CIAO3: variants seen among roughly 807,000 people sequenced by gnomAD.
CIAO3 encodes cytosolic iron-sulfur assembly component 3.
A neutral mutation model predicts 51.5 loss-of-function variants in CIAO3; 45 were observed. The ratio of observed to expected loss-of-function variants is 0.87; its 90% CI spans 0.69 to 1.12. CIAO3 has a LOEUF of 1.12. Among genes scored for constraint, CIAO3 ranks in the 50% most tolerant of loss-of-function variants. The pLI is 0.00. For synonymous variants in CIAO3, 314 were observed against 269.3 expected, an observed-to-expected ratio of 1.17 and a Z score of -1.63; for missense variants, 668 against 632.5, an observed-to-expected ratio of 1.06 and a Z score of -0.60.
At chr16:731,148 GGA>G in intron 9 of CIAO3, 148 bp from the exon 10 acceptor site, 3 of 1,024,760 alleles carry the variant, frequency 2.9e-6, no homozygotes, top group African/African-American at 1.6e-5. Flanking sequence ...GGACAAGAAC[GGA>G]GAGAGAGGGT....
chr16:731,559 A>G lies in CIAO3; in HGVS notation c.1034+6T>C. ...TCTGCCCAGAGATCTGGCCCATCCCACTGACCTCAGGGGTTTGTAGGTAAC... is the reference window on the plus strand; with the variant it reads ...TCTGCCCAGAGATCTGGCCCATCCCGCTGACCTCAGGGGTTTGTAGGTAAC... On this transcript the variant is annotated splice_donor_region_variant and intron_variant, in intron 9 of 10. Transcript: ENST00000251588. 6.4e-7 allele frequency: 1 copy of G among 1,561,468 alleles called. No homozygotes were observed. The highest frequency in any genetic ancestry group is 8.7e-7 in the Non-Finnish European group (1 of 1,153,412).
rs2041254727 is a variant in CIAO3 at position 730,055 on chromosome 16, C to T, written c.*362G>A. The T allele has an allele frequency of 2.5e-6, 1 of 400,954 alleles. No homozygotes were observed. The highest frequency in any genetic ancestry group is 2.0e-5 in the African/African-American group (1 of 48,844). 24.8% of individuals were successfully genotyped at this position (400,954 alleles called of 1,614,324 possible). A position where few individuals can be genotyped will look rare whatever the true frequency, so the allele number is the denominator to read the frequency against. ...GTCAGGGGTGAGAACCCGTCTTGCT[C>T]TGCCTCAGGCAACCCCGGGACAGGC... On this transcript the variant is annotated 3_prime_UTR_variant, in exon 11 of 11. Coordinates refer to ENST00000251588, the MANE Select transcript of CIAO3 (RefSeq NM_022493.3).
At chr16:731,098 A>G in intron 9 of CIAO3, 98 bp from the exon 10 acceptor site, 1 of 1,481,136 alleles carries the variant, frequency 6.8e-7, no homozygotes, top group Non-Finnish European at 9.2e-7. Context: ...ATGACCGGGT[A>G]CCTCCCAGGG....
rs768755961 is a variant in CIAO3, at chr16:736,283, G to C, written c.422C>G (p.Ser141Ter). Residue 141 changes from serine to a stop codon, truncating the protein, a stop_gained, in exon 4 of 11, where the codon TCA (serine) becomes TGA (stop). Coordinates refer to ENST00000251588, the MANE Select transcript of CIAO3 (RefSeq NM_022493.3). LOFTEE classifies it high-confidence loss of function. Reference protein sequence around the residue: ...NPTDTARKLTSFFKKIGVHFV... With the variant: ...NPTDTARKLT ...AAGCCTACCTATTTTTTTAAAGAATGAGGTTAATTTCCTGGCAGTATCTGT... is the reference window on the plus strand; with the variant it reads ...AAGCCTACCTATTTTTTTAAAGAATCAGGTTAATTTCCTGGCAGTATCTGT... 2 of 1,612,746 alleles carry C rather than the reference G, an allele frequency of 1.2e-6. No homozygotes were observed. Among genetic ancestry groups the C allele is most frequent in the East Asian group, 2.2e-5 (1 of 44,884 alleles).
Position 737,509 on chromosome 16 carries a change from T to G in CIAO3, c.163-180A>C. On this transcript the variant is annotated intron_variant, in intron 2 of 10. Transcript: ENST00000251588. The surrounding 1 kb of genome is among the most constrained non-coding windows in gnomAD (Gnocchi z 5.3). ...AAATGCACACGCACGCTCTACAGTT[T>G]CATAATGCCGTCAAGTCTGCTTCTT... The G allele has an allele frequency of 6.6e-7, 1 of 1,522,916 alleles. No individual in the cohort carries two copies. Among genetic ancestry groups the G allele is most frequent in the Non-Finnish European group, 8.8e-7 (1 of 1,138,966 alleles). The allele number at this position is 1,522,916 out of a possible 1,614,324, so 94.3% of individuals were successfully genotyped here. A position where few individuals can be genotyped will look rare whatever the true frequency, so the allele number is the denominator to read the frequency against.
Position 737,243 on chromosome 16 carries a change from G to A in CIAO3, c.249C>T (p.Thr83=), listed in dbSNP as rs149663038. ...ACSGCITSAE[T]VLITQQSHEE... ...CGTGGCTCTGCTGGGTGATAAGCAC[G>A]GTCTCTGCGGAGGTGATGCAGCCGC... The change falls in exon 3 of 11, where the codon ACC becomes ACT. Residue 83 remains threonine (T), a synonymous_variant. Coordinates refer to ENST00000251588, the MANE Select transcript of CIAO3 (RefSeq NM_022493.3). This position sits in a 1 kb window ranked among gnomAD's most constrained non-coding sequence, Gnocchi z 5.3. 4,831 of 1,613,652 alleles carry A rather than the reference G, an allele frequency of 3.0e-3. 17 individuals carry two copies. Among genetic ancestry groups the A allele is most frequent in the East Asian group, 0.018 (795 of 44,878 alleles).
chr16:730,656 C>T lies in CIAO3; in HGVS notation c.1193-1G>A, dbSNP rs754183985. 1.2e-6 allele frequency: 2 copies of T among 1,607,996 alleles called. No individual in the cohort carries two copies. The highest frequency in any genetic ancestry group is 1.7e-6 in the Non-Finnish European group (2 of 1,179,440). ...AGCTGGCCCCCGCCGTTCAGGCAGC[C>T]TATGGGAGAGCAGACGGGACAGGGG... On this transcript the variant is annotated splice_acceptor_variant, in intron 10 of 10. Transcript: ENST00000251588. LOFTEE classifies it high-confidence loss of function.
rs142206450 is a variant in CIAO3, at chr16:739,385, C to T, written c.162+258G>A. The T allele has an allele frequency of 4.6e-3, 2,516 of 543,086 alleles. 36 individuals are homozygous for T. Among genetic ancestry groups the T allele is most frequent in the South Asian group, 0.022 (1,082 of 48,306 alleles). 33.6% of individuals were successfully genotyped at this position (543,086 alleles called of 1,614,324 possible). On this transcript the variant is annotated intron_variant, in intron 2 of 10. Coordinates refer to ENST00000251588, the MANE Select transcript of CIAO3 (RefSeq NM_022493.3). Reference sequence around the variant, plus strand: ...GTTAGAACTAGGGGGAACAGGCAGACGCAGACAGGATCCACCATCTCTGCA... The same window carrying T: ...GTTAGAACTAGGGGGAACAGGCAGATGCAGACAGGATCCACCATCTCTGCA...
At chr16:732,606 A>G in intron 7 of CIAO3, 1 of 642,672 alleles carries the variant, frequency 1.6e-6, no homozygotes, top group East Asian at 3.1e-5. Context: ...CTGCTCACCC[A>G]GTGTCCATCT....
At chr16:740,022 C>A (rs762566519) in intron 1 of CIAO3, 1 of 1,437,928 alleles carries the variant, frequency 7.0e-7, no homozygotes, top group South Asian at 1.2e-5. Context: ...CAACACTGAC[C>A]TTCACCCTTC....
chr16:740,701 G>A, intron 1 of CIAO3: 1 of 557,848 alleles, frequency 1.8e-6, no homozygotes, highest in Non-Finnish European at 3.1e-6. Context: ...GCGGGTTGGG[G>A]GGCGCCGCCC....
chr16:739,432 A>C (rs1340259577), intron 2 of CIAO3: 1 of 602,944 alleles, frequency 1.7e-6, no homozygotes, highest in Non-Finnish European at 3.0e-6. Flanking sequence ...TGCTGAGCAG[A>C]TCAAGCTGTT....
At position 737,876 on chromosome 16, in the gene CIAO3, C is replaced by T. The variant is rs1470716139; in HGVS notation, c.163-547G>A. ...CCAGTCGGGGGCCTCCGGGACATGC[C>T]TCAGCAACTTTTCTTACATGCAAAA... On this transcript the variant is annotated intron_variant, in intron 2 of 10. Coordinates refer to ENST00000251588, the MANE Select transcript of CIAO3 (RefSeq NM_022493.3). The surrounding 1 kb of genome is among the most constrained non-coding windows in gnomAD (Gnocchi z 5.3). The T allele has an allele frequency of 5.9e-6, 7 of 1,182,394 alleles. No individual in the cohort carries two copies. Among genetic ancestry groups the T allele is most frequent in the Non-Finnish European group, 7.5e-6 (7 of 938,374 alleles). 73.2% of individuals were successfully genotyped at this position (1,182,394 alleles called of 1,614,324 possible).
At chr16:736,933 G>C in intron 3 of CIAO3, 3 of 500,562 alleles carry the variant, frequency 6.0e-6, no homozygotes, top group South Asian at 4.4e-5. Context: ...CAAAGTGCTG[G>C]TATGACAGGC....
rs921391967 is a variant in CIAO3 at position 732,883 on chromosome 16, A to G, written c.823+415T>C. 2.6e-5 allele frequency: 8 copies of G among 311,022 alleles called. No homozygotes were observed. The East Asian group carries it at 7.0e-4, about 27-fold the overall frequency. 19.3% of individuals were successfully genotyped at this position (311,022 alleles called of 1,614,324 possible). On this transcript the variant is annotated intron_variant, in intron 7 of 10. Coordinates refer to ENST00000251588, the MANE Select transcript of CIAO3 (RefSeq NM_022493.3). ...GAACTCCTGACCTCGTGATCCACCC[A>G]CCTCTGCCTCCCAAAGTGCTGGGAT...
At position 730,570 on chromosome 16, in the gene CIAO3, C is replaced by G. The variant is rs775803074; in HGVS notation, c.1278G>C (p.Met426Ile). The change falls in exon 11 of 11, where the codon ATG (methionine) becomes ATC (isoleucine). Residue 426 changes from methionine (M) to isoleucine (I), a missense_variant. Met to Ile is a conservative substitution (Grantham distance 10, BLOSUM62 1). Coordinates refer to ENST00000251588, the MANE Select transcript of CIAO3 (RefSeq NM_022493.3). ...CGTCCTCGGGCGCCTCAGCCCGGAC[C>G]ATGCCGTACAGTCTCTCCACGTGCT... ...LLQHVERLYG[M>I]VRAEAPEDAP... 2.5e-6 allele frequency: 4 copies of G among 1,610,922 alleles called. No homozygotes were observed. Among genetic ancestry groups the G allele is most frequent in the Non-Finnish European group, 3.4e-6 (4 of 1,179,992 alleles).
chr16:731,750 A>G (rs1370954152), intron 8 of CIAO3, 48 bp from the exon 9 acceptor site: 6 of 1,495,016 alleles, frequency 4.0e-6, no homozygotes, highest in Non-Finnish European at 5.3e-6. Context: ...GCTGCCTGCC[A>G]ACCTCCCGAG....
Position 734,176 on chromosome 16 carries a change from G to A in CIAO3, c.693+53C>T, listed in dbSNP as rs1331017776. 4 of 1,525,990 alleles carry A rather than the reference G, an allele frequency of 2.6e-6. No individual in the cohort carries two copies. In the African/African-American group the frequency reaches 4.1e-5, roughly 16 times the overall value. 94.5% of individuals were successfully genotyped at this position (1,525,990 alleles called of 1,614,324 possible). A position where few individuals can be genotyped will look rare whatever the true frequency, so the allele number is the denominator to read the frequency against. Reference sequence around the variant, plus strand: ...AGCCTCATGGCAAGAGGCCAGCAAAGTCACTTCTGGCCGCTCCCCAGCCTG... The same window carrying A: ...AGCCTCATGGCAAGAGGCCAGCAAAATCACTTCTGGCCGCTCCCCAGCCTG... On this transcript the variant is annotated intron_variant, in intron 6 of 10. Transcript: ENST00000251588.
Position 729,812 on chromosome 16 carries a change from T to G in CIAO3, c.*605A>C. On this transcript the variant is annotated 3_prime_UTR_variant, in exon 11 of 11. Transcript: ENST00000251588. The stretch of plus-strand genomic sequence containing the variant: ...TTAGACAAACGCTGGGAGACAGGCC[T>G]GGTGGGGACCTGGCTGGGGGATGAT... 1.1e-6 allele frequency: 1 copy of G among 943,678 alleles called. No individual in the cohort carries two copies. The highest frequency in any genetic ancestry group is 1.4e-6 in the Non-Finnish European group (1 of 697,842). The allele number at this position is 943,678 out of a possible 1,614,324, so 58.5% of individuals were successfully genotyped here.
Sources: allele counts gnomAD v4.1 joint callset, GRCh38; gene constraint gnomAD v4.1.1; non-coding constraint Gnocchi (gnomAD v3.1); transcripts MANE v1.5; gene names NCBI Gene and HGNC (gene_info 2026-07-23, HGNC 2026-07-21).